CCSER1: variants seen among roughly 807,000 people sequenced by gnomAD.
CCSER1 encodes the protein coiled-coil serine rich protein 1, also known as serine-rich coiled-coil domain-containing protein 1.
CCSER1 carries 41 observed loss-of-function variants against 82.0 expected under a neutral mutation model. The observed-to-expected ratio is 0.50, with a 90% CI of 0.39 to 0.65. The LOEUF is 0.65. Ranked by LOEUF, CCSER1 falls within the 30% of genes least tolerant of loss-of-function variation. The pLI is 0.00. For missense variants in CCSER1, 1,119 were observed against 1,064.2 expected (o/e 1.05, Z -0.72); for synonymous variants, 414 against 383.9 (o/e 1.08, Z -0.92).
At chr4:90,562,314 A>G (rs1184824647) in intron 5 of CCSER1, among the ~76,000 whole-genome samples, 3 of 151,972 alleles carry the variant, frequency 2.0e-5, no homozygotes, top group African/African-American at 7.3e-5. Flanking sequence ...GTAGACTCTG[A>G]CACATTCTAT....
chr4:90,326,969 C>T (rs776342549), intron 3 of CCSER1, among the ~76,000 whole-genome samples: 5 of 152,078 alleles, frequency 3.3e-5, no homozygotes, highest in Admixed American at 6.6e-5. Context: ...TTTTAGATTC[C>T]ATCTTCATTT....
intron 9 of CCSER1, among the ~76,000 whole-genome samples, chr4:91,035,134 A>T (rs1480791176): frequency 6.6e-6 from 1 of 152,150 alleles, no homozygotes; most frequent in Non-Finnish European, 1.5e-5. Flanking sequence ...TAGAAGTGAG[A>T]TAAAATAAGA....
intron 9 of CCSER1, among the ~76,000 whole-genome samples, chr4:90,989,031 C>G (rs1267944487): frequency 6.6e-6 from 1 of 151,730 alleles, no homozygotes; most frequent in Non-Finnish European, 1.5e-5. Context: ...ACCAAGAATT[C>G]CATTTAGCAA....
chr4:90,669,172 GAAGGAAATGACT>G (rs1177556694), intron 6 of CCSER1, among the ~76,000 whole-genome samples: 1 of 151,994 alleles, frequency 6.6e-6, no homozygotes, highest in East Asian at 1.9e-4. Flanking sequence ...GAAAATATTG[GAAGGAAATGACT>G]AAAGGTATAA....
chr4:90,907,261 AAGTGAG>A (rs1273701003), intron 8 of CCSER1, among the ~76,000 whole-genome samples: 2 of 152,114 alleles, frequency 1.3e-5, no homozygotes, highest in Non-Finnish European at 2.9e-5. Flanking sequence ...AGATGAATAA[AAGTGAG>A]AGAGATGTAG....
chr4:90,414,320 ATTTTC>A (rs1755469311), intron 4 of CCSER1, among the ~76,000 whole-genome samples: 1 of 151,716 alleles, frequency 6.6e-6, no homozygotes, highest in Admixed American at 6.6e-5. Context: ...TTTTTATTAT[ATTTTC>A]TTGAGTTTCT....
intron 1 of CCSER1, among the ~76,000 whole-genome samples, chr4:90,283,645 C>G (rs1371467982): frequency 2.0e-5 from 3 of 152,000 alleles, no homozygotes; most frequent in African/African-American, 4.8e-5. Flanking sequence ...ACTCATCGAG[C>G]AATCCCTCTT....
rs568011770 is a variant in CCSER1, at chr4:90,509,676, A to G, written c.1724+41322A>G. On this transcript the variant is annotated intron_variant, in intron 5 of 10. Transcript: ENST00000509176. ...ATCATTGTGCTTGAACGTTATTATC[A>G]CAATTATTTCCTGATTTTTTCCCCT... Among the ~76,000 whole-genome samples the G allele has an allele frequency of 2.0e-5, 3 of 152,174 alleles. No homozygotes were observed. The South Asian group carries it at 6.2e-4, about 32-fold the overall frequency.
chr4:91,326,306 C>T (rs1362116932), intron 10 of CCSER1, among the ~76,000 whole-genome samples: 6 of 152,110 alleles, frequency 3.9e-5, no homozygotes, highest in Non-Finnish European at 7.3e-5. Flanking sequence ...CCTCAGGAAA[C>T]TTACAATCAT....
intron 10 of CCSER1, among the ~76,000 whole-genome samples, chr4:91,106,841 G>A (rs764454956): frequency 2.6e-5 from 4 of 152,132 alleles, no homozygotes; most frequent in Non-Finnish European, 5.9e-5. Context: ...CTCTATAGAT[G>A]AATTATAACT....
intron 3 of CCSER1, among the ~76,000 whole-genome samples, chr4:90,382,072 T>A (rs1749291245): frequency 6.6e-6 from 1 of 152,004 alleles, no homozygotes; most frequent in Non-Finnish European, 1.5e-5. Context: ...TTGTGTCTAA[T>A]TTTTTGAGTG....
Position 91,180,564 on chromosome 4 carries a change from G to A in CCSER1, c.2217+94570G>A, listed in dbSNP as rs540625899. On this transcript the variant is annotated intron_variant, in intron 10 of 10. Transcript: ENST00000509176. ...CCTTGCAGTTTGACCTCAGACTGCT[G>A]TGCTAGTAGTGAGTGAGGCTCTGTG... 2.3e-4 allele frequency among the ~76,000 whole-genome samples: 35 copies of A among 152,334 alleles called. No homozygotes were observed. In the South Asian group the frequency reaches 6.8e-3, roughly 30 times the overall value.
At chr4:91,346,033 C>CTTTTTTT (rs534383177) in intron 10 of CCSER1, among the ~76,000 whole-genome samples, 3 of 144,990 alleles carry the variant, frequency 2.1e-5, no homozygotes, top group African/African-American at 7.8e-5. Flanking sequence ...CTTGACAGCT[C>CTTTTTTT]TTTTTTTTTT....
intron 10 of CCSER1, among the ~76,000 whole-genome samples, chr4:91,218,509 G>A (rs1221521285): frequency 6.6e-6 from 1 of 152,226 alleles, no homozygotes; most frequent in Non-Finnish European, 1.5e-5. Flanking sequence ...GGGCTCTGAC[G>A]ACTGCCAGCA....
chr4:90,481,186 C>T (rs139275482), intron 5 of CCSER1, among the ~76,000 whole-genome samples: 2,412 of 150,940 alleles, frequency 0.016, 39 homozygotes, highest in African/African-American at 0.047. Context: ...GTTATTGGTG[C>T]ATAAGAATGC....
chr4:90,155,307 C>G (rs1196569573), intron 1 of CCSER1, among the ~76,000 whole-genome samples: 1 of 151,954 alleles, frequency 6.6e-6, no homozygotes, highest in Admixed American at 6.6e-5. Context: ...ATTTTTGCAT[C>G]AATGTTCATC....
rs556722874 is a variant in CCSER1 at position 90,585,489 on chromosome 4, A to G, written c.1725-42536A>G. On this transcript the variant is annotated intron_variant, in intron 5 of 10. Coordinates refer to ENST00000509176, the MANE Select transcript of CCSER1 (RefSeq NM_001145065.2). The stretch of plus-strand genomic sequence containing the variant: ...TCTGTTTGTTTCTTTAATTGCTTGC[A>G]TGAAAACAAATGATTCAATATACTC... Among the ~76,000 whole-genome samples the G allele has an allele frequency of 6.6e-5, 10 of 152,322 alleles. No homozygotes were observed. In the South Asian group the frequency reaches 1.9e-3, roughly 28 times the overall value.
At chr4:90,559,467 A>C (rs1425355404) in intron 5 of CCSER1, among the ~76,000 whole-genome samples, 1 of 152,036 alleles carries the variant, frequency 6.6e-6, no homozygotes, top group Non-Finnish European at 1.5e-5. Context: ...ATACACTTGC[A>C]TTGAGATTTG....
chr4:91,177,491 T>A (rs1733522412), intron 10 of CCSER1, among the ~76,000 whole-genome samples: 1 of 152,230 alleles, frequency 6.6e-6, no homozygotes, highest in Non-Finnish European at 1.5e-5. Flanking sequence ...TTGCCTCAAT[T>A]TCAGAGCCTG....
Sources: allele counts gnomAD v4.1 joint callset (sites outside exome capture counted in the v4.1 genomes callset), GRCh38; gene constraint gnomAD v4.1.1; transcripts MANE v1.5; gene names NCBI Gene and HGNC (gene_info 2026-07-23, HGNC 2026-07-21).